The following JAK1 variants were observed in gnomAD, a reference collection of about 807,000 sequenced individuals.
JAK1 encodes tyrosine-protein kinase JAK1.
A neutral mutation model predicts 136.6 loss-of-function variants in JAK1; 16 were observed. That is an observed-to-expected ratio of 0.12 (90% CI 0.08 to 0.18). JAK1 has a LOEUF of 0.18. Ranked by LOEUF, JAK1 falls within the 10% of genes least tolerant of loss-of-function variation. The probability of loss-of-function intolerance (pLI) is 1.00; values close to 1 mark genes in which losing one functional copy is unlikely to be tolerated. For synonymous variants in JAK1, 492 were observed against 519.5 expected, an observed-to-expected ratio of 0.95 and a Z score of 0.72; for missense variants, 859 against 1,450.1, an observed-to-expected ratio of 0.59 and a Z score of 6.62.
intron 2 of JAK1, among the ~76,000 whole-genome samples, chr1:65,028,739 T>C (rs1472704789): frequency 2.0e-5 from 3 of 152,226 alleles, no homozygotes; most frequent in African/African-American, 7.2e-5. Context: ...TACATGTTTT[T>C]ACATACGTTA....
intron 1 of JAK1, among the ~76,000 whole-genome samples, chr1:64,890,906 G>A (rs1023502103): frequency 2.0e-5 from 3 of 152,258 alleles, no homozygotes; most frequent in Admixed American, 6.5e-5. Flanking sequence ...GAATTCTGGC[G>A]TCTCCACCGA....
intron 1 of JAK1, among the ~76,000 whole-genome samples, chr1:64,958,129 CAG>C (rs1439322627): frequency 4.6e-5 from 7 of 152,210 alleles, no homozygotes; most frequent in Non-Finnish European, 7.3e-5. Flanking sequence ...GTGAGATCTA[CAG>C]AGAGTTGCTG....
At position 64,984,546 on chromosome 1, in the gene JAK1, T is replaced by G; in HGVS notation, c.-78+59934A>C. The G allele has an allele frequency of 2.8e-6, 1 of 360,774 alleles. No homozygotes were observed. The highest frequency in any genetic ancestry group is 3.5e-5 in the South Asian group (1 of 28,316). 22.3% of individuals were successfully genotyped at this position (360,774 alleles called of 1,614,324 possible). A position where few individuals can be genotyped will look rare whatever the true frequency, so the allele number is the denominator to read the frequency against. On this transcript the variant is annotated intron_variant, in intron 2 of 25. Transcript: ENST00000671954. The surrounding 1 kb of genome is among the most constrained non-coding windows in gnomAD (Gnocchi z 4.1). Reference sequence around the variant, plus strand: ...GCCCTGGGTTCATCCTTATGAGGTCTCTCCCTCATTCAGGGAGGTGGCTTT... The same window carrying G: ...GCCCTGGGTTCATCCTTATGAGGTCGCTCCCTCATTCAGGGAGGTGGCTTT...
chr1:64,982,477 C>G (rs1010650070), intron 2 of JAK1, among the ~76,000 whole-genome samples: 2 of 152,138 alleles, frequency 1.3e-5, no homozygotes, highest in South Asian at 4.1e-4. Context: ...AAACAGGGCC[C>G]TTTCAGATTA....
intron 1 of JAK1, among the ~76,000 whole-genome samples, chr1:64,928,788 AAAAAAAAAC>A (rs1382217001): frequency 3.3e-5 from 3 of 90,614 alleles, no homozygotes; most frequent in South Asian, 4.3e-4. Flanking sequence ...CAAAAAAAAA[AAAAAAAAAC>A]AAAAAAAAAA....
intron 2 of JAK1, among the ~76,000 whole-genome samples, chr1:65,043,668 G>A (rs1647155696): frequency 6.6e-6 from 1 of 150,920 alleles, no homozygotes; most frequent in Non-Finnish European, 1.5e-5. Flanking sequence ...TGAGTAGCTG[G>A]GACTACAGGC....
chr1:64,992,368 A>C (rs1646665111), intron 2 of JAK1: 2 of 151,298 alleles, frequency 1.3e-5, no homozygotes, highest in African/African-American at 4.9e-5. Flanking sequence ...CAACAGAGTG[A>C]GAGTCGGTCT....
At position 64,984,266 on chromosome 1, in the gene JAK1, G is replaced by A. The variant is rs185646690; in HGVS notation, c.-78+60214C>T. On this transcript the variant is annotated intron_variant, in intron 2 of 25. Coordinates refer to the JAK1 transcript ENST00000671954. This position sits in a 1 kb window ranked among gnomAD's most constrained non-coding sequence, Gnocchi z 4.1. ...TGTATCTGCTTCCTGGTAAGTCTGC[G>A]GTTGGGGGAACTGCACCTTACTTTT... 6.6e-5 allele frequency among the ~76,000 whole-genome samples: 10 copies of A among 152,040 alleles called. No individual in the cohort carries two copies. Among genetic ancestry groups the A allele is most frequent in the South Asian group, 2.1e-4 (1 of 4,832 alleles).
intron 2 of JAK1, among the ~76,000 whole-genome samples, chr1:64,988,579 T>C (rs1362550411): frequency 2.0e-5 from 3 of 151,978 alleles, no homozygotes; most frequent in Non-Finnish European, 4.4e-5. Flanking sequence ...GGATGCTGAA[T>C]TAAGAAAAAT....
chr1:64,872,500 T>C (rs915891671), intron 5 of JAK1, among the ~76,000 whole-genome samples: 7 of 152,244 alleles, frequency 4.6e-5, no homozygotes, highest in Non-Finnish European at 1.0e-4. Flanking sequence ...CACAGTACTT[T>C]CCATAATTTC....
chr1:64,911,791 A>C (rs1266948639), intron 1 of JAK1, among the ~76,000 whole-genome samples: 1 of 152,216 alleles, frequency 6.6e-6, no homozygotes, highest in Non-Finnish European at 1.5e-5. Context: ...AGCTAGGTTC[A>C]TATTTTGATT....
intron 2 of JAK1, among the ~76,000 whole-genome samples, chr1:65,000,320 A>G (rs766718572): frequency 8.6e-5 from 13 of 152,046 alleles, no homozygotes; most frequent in Non-Finnish European, 1.8e-4. Context: ...AAATCTACCC[A>G]TGCAAATAAT....
At chr1:64,864,003 TATATC>T (rs1390625039) in intron 8 of JAK1, among the ~76,000 whole-genome samples, 2 of 152,254 alleles carry the variant, frequency 1.3e-5, no homozygotes, top group African/African-American at 4.8e-5. Flanking sequence ...TCCAAAAGGT[TATATC>T]AGAAAGACAA....
chr1:64,949,085 T>C (rs1646037339), intron 1 of JAK1, among the ~76,000 whole-genome samples: 1 of 152,196 alleles, frequency 6.6e-6, no homozygotes, highest in South Asian at 2.1e-4. Flanking sequence ...CTTCATACCA[T>C]GCTAAGGAGT....
chr1:65,058,643 G>T, intron 1 of JAK1: 1 of 414,832 alleles, frequency 2.4e-6, no homozygotes. Flanking sequence ...GAAAAAGAAG[G>T]ATCAGAGCCC....
intron 1 of JAK1, among the ~76,000 whole-genome samples, chr1:64,963,873 G>C (rs1006020097): frequency 6.6e-6 from 1 of 152,074 alleles, no homozygotes; most frequent in Non-Finnish European, 1.5e-5. Context: ...TGTCTTGTGC[G>C]TTATAGGATG....
Position 64,838,577 on chromosome 1 carries a change from A to G in JAK1, c.2855T>C (p.Ile952Thr). ...AGGCAGAAATTCCATGATGAGCTTAATACCATTTCCTCCTGTTTAGAAAAA... is the reference window on the plus strand; with the variant it reads ...AGGCAGAAATTCCATGATGAGCTTAGTACCATTTCCTCCTGTTTAGAAAAA... ...GICTEDGGNG[I>T]KLIMEFLPSG... The change falls in exon 21 of 25, where the codon ATT becomes ACT. Residue 952 changes from isoleucine (I) to threonine (T), a missense_variant. By Grantham distance (89) the Ile-to-Thr change is moderately conservative (BLOSUM62 -1). Coordinates refer to ENST00000342505, the MANE Select transcript of JAK1 (RefSeq NM_002227.4). 6.2e-7 allele frequency: 1 copy of G among 1,613,892 alleles called. No homozygotes were observed. The highest frequency in any genetic ancestry group is 8.5e-7 in the Non-Finnish European group (1 of 1,180,014).
intron 1 of JAK1, chr1:65,058,364 T>A: frequency 1.9e-6 from 1 of 533,454 alleles, no homozygotes; most frequent in Non-Finnish European, 3.9e-6. Context: ...CAGCCACCTG[T>A]TTCACATTCC....
chr1:64,844,637 C>T lies in JAK1; in HGVS notation c.2251+117G>A. 1 of 1,260,580 alleles carries T rather than the reference C, an allele frequency of 7.9e-7. No individual in the cohort carries two copies. Among genetic ancestry groups the T allele is most frequent in the Non-Finnish European group, 1.1e-6 (1 of 893,864 alleles). The allele number at this position is 1,260,580 out of a possible 1,614,324, so 78.1% of individuals were successfully genotyped here. On this transcript the variant is annotated intron_variant, in intron 16 of 24. Transcript: ENST00000342505. The surrounding 1 kb of genome is among the most constrained non-coding windows in gnomAD (Gnocchi z 5.7). ...CCAACATGGTGAAACCCCGTCTCTA[C>T]TAAAATACAAAAAAAAAATGACTCT... is the stretch of plus-strand genomic sequence containing the variant.
Sources: gnomAD v4.1 joint callset for allele counts (sites outside exome capture counted in the v4.1 genomes callset) on GRCh38, gnomAD v4.1.1 for gene constraint, Gnocchi (gnomAD v3.1) non-coding constraint, MANE v1.5 for transcripts, NCBI Gene and HGNC (gene_info 2026-07-23, HGNC 2026-07-21) for gene names.